NAV2: variants seen among roughly 807,000 people sequenced by gnomAD.
NAV2 encodes the protein neuron navigator 2.
A neutral mutation model predicts 223.2 loss-of-function variants in NAV2; 54 were observed. The observed-to-expected ratio is 0.24, with a 90% CI of 0.19 to 0.30. The LOEUF (loss-of-function observed/expected upper bound fraction) is 0.30, where lower values mean the gene tolerates loss of function less well. Ranked by LOEUF, NAV2 falls within the 10% of genes least tolerant of loss-of-function variation. The pLI is 1.00. For synonymous variants in NAV2, 1,279 were observed against 1,239.3 expected, an observed-to-expected ratio of 1.03 and a Z score of -0.67; for missense variants, 2,806 against 3,147.5, an observed-to-expected ratio of 0.89 and a Z score of 2.60.
At chr11:20,012,789 C>T (rs1450394357) in intron 11 of NAV2, among the ~76,000 whole-genome samples, 1 of 152,060 alleles carries the variant, frequency 6.6e-6, no homozygotes, top group African/African-American at 2.4e-5. Flanking sequence ...AGAAAATCAT[C>T]CCCAATGTGC....
chr11:19,661,093 A>G (rs531499919), intron 1 of NAV2, among the ~76,000 whole-genome samples: 2 of 152,196 alleles, frequency 1.3e-5, no homozygotes, highest in African/African-American at 4.8e-5. Context: ...AATAATAACC[A>G]TCTACCCTGT....
intron 6 of NAV2, among the ~76,000 whole-genome samples, chr11:19,907,885 C>T (rs2043001846): frequency 6.6e-6 from 1 of 152,116 alleles, no homozygotes; most frequent in Non-Finnish European, 1.5e-5. Context: ...AACTTGCTGC[C>T]CCATTGCTGG....
At chr11:19,768,006 C>G (rs991054731) in intron 1 of NAV2, among the ~76,000 whole-genome samples, 4 of 152,216 alleles carry the variant, frequency 2.6e-5, no homozygotes, top group Non-Finnish European at 5.9e-5. Flanking sequence ...TTTACCAGCT[C>G]TAAGAGCTAA....
chr11:19,907,296 C>T (rs905639054), intron 6 of NAV2, among the ~76,000 whole-genome samples: 4 of 152,158 alleles, frequency 2.6e-5, no homozygotes, highest in Non-Finnish European at 5.9e-5. Context: ...TGAAGCACCC[C>T]TGTAGCCGCC....
chr11:19,834,092 G>A (rs1268414163), intron 2 of NAV2, among the ~76,000 whole-genome samples: 1 of 152,216 alleles, frequency 6.6e-6, no homozygotes, highest in African/African-American at 2.4e-5. Context: ...GGGACAGGAT[G>A]ATACAAGGGC....
At chr11:20,018,353 C>CAAAA (rs34251713) in intron 11 of NAV2, among the ~76,000 whole-genome samples, 9 of 87,904 alleles carry the variant, frequency 1.0e-4, no homozygotes, top group African/African-American at 2.0e-4. Flanking sequence ...GATTCCATCT[C>CAAAA]AAAAAAAAAA....
At chr11:19,909,796 T>TTCC (rs1453518239) in intron 6 of NAV2, among the ~76,000 whole-genome samples, 7 of 152,172 alleles carry the variant, frequency 4.6e-5, no homozygotes, top group Middle Eastern at 3.2e-3. Flanking sequence ...TGCCATCATG[T>TTCC]TCCTCCTCCT....
chr11:19,755,163 G>A (rs920524793), intron 1 of NAV2, among the ~76,000 whole-genome samples: 1 of 152,200 alleles, frequency 6.6e-6, no homozygotes, highest in African/African-American at 2.4e-5. Context: ...GATGGCGAAT[G>A]TAGTCTCCCT....
intron 1 of NAV2, among the ~76,000 whole-genome samples, chr11:19,646,758 A>T (rs996858274): frequency 2.0e-5 from 3 of 152,220 alleles, no homozygotes; most frequent in African/African-American, 4.8e-5. Context: ...TATCAACAAC[A>T]TTGTGAGGTA....
At chr11:20,057,200 G>A (rs189904592) in intron 19 of NAV2, among the ~76,000 whole-genome samples, 1 of 152,316 alleles carries the variant, frequency 6.6e-6, no homozygotes. Flanking sequence ...AAACAAATTT[G>A]TGATTGTTTA....
chr11:19,988,451 G>A (rs1467729936), intron 11 of NAV2, among the ~76,000 whole-genome samples: 2 of 152,156 alleles, frequency 1.3e-5, no homozygotes, highest in South Asian at 4.2e-4. Flanking sequence ...AAAAACAAAT[G>A]CTGTGTGGTA....
At chr11:19,784,869 A>G (rs1007243610) in intron 1 of NAV2, among the ~76,000 whole-genome samples, 1 of 152,212 alleles carries the variant, frequency 6.6e-6, no homozygotes, top group Non-Finnish European at 1.5e-5. Context: ...CCTCATAAAG[A>G]GTCAACAGAA....
At chr11:20,086,572 G>C (rs758779519) in intron 26 of NAV2, among the ~76,000 whole-genome samples, 4 of 151,874 alleles carry the variant, frequency 2.6e-5, no homozygotes, top group Admixed American at 6.6e-5. Flanking sequence ...TTTGTTCTCT[G>C]TCCCCCACCC....
At position 19,395,057 on chromosome 11, in the gene NAV2, G is replaced by A. The variant is rs140635989; in HGVS notation, c.75+44030G>A. ...GCAGTGCCAATGACCTTCCAGGTGG[G>A]GACAGCTTTGGGTTCACACAGTATC... On this transcript the variant is annotated intron_variant, in intron 1 of 37. Transcript: ENST00000360655. 2.8e-3 allele frequency among the ~76,000 whole-genome samples: 432 copies of A among 152,298 alleles called. 3 individuals are homozygous for A. Among genetic ancestry groups the A allele is most frequent in the African/African-American group, 9.8e-3 (409 of 41,564 alleles).
At chr11:19,527,972 A>ACACACACACAC (rs1565018537) in intron 1 of NAV2, among the ~76,000 whole-genome samples, 6 of 150,696 alleles carry the variant, frequency 4.0e-5, no homozygotes, top group Middle Eastern at 3.4e-3. Flanking sequence ...ACACACACAC[A>ACACACACACAC]ATCCTGGGAA....
rs774099444 is a variant in NAV2 at position 20,092,337 on chromosome 11, C to A, written c.5784C>A (p.His1928Gln). 6.2e-7 allele frequency: 1 copy of A among 1,613,942 alleles called. No homozygotes were observed. The highest frequency in any genetic ancestry group is 2.2e-5 in the East Asian group (1 of 44,868). Residue 1928 changes from histidine to glutamine, a missense_variant, in exon 28 of 38, where the codon CAC (histidine) becomes CAA (glutamine). By Grantham distance (24) the His-to-Gln change is conservative (BLOSUM62 0). Transcript: ENST00000349880. Reference sequence around the variant, plus strand: ...GGCAGTCCATGGGCCTCTCCCAGCACAGCTTGAACCTCACTGAGTCAACCA... The same window carrying A: ...GGCAGTCCATGGGCCTCTCCCAGCAAAGCTTGAACCTCACTGAGTCAACCA... ...SPRQSMGLSQ[H>Q]SLNLTESTSL...
At chr11:19,644,070 G>A (rs115515226) in intron 1 of NAV2, among the ~76,000 whole-genome samples, 128,945 of 151,874 alleles carry the variant, frequency 0.85, 56,308 homozygotes, top group Middle Eastern at 0.96. Context: ...CTGTGTGCGT[G>A]TGTGCATGTG....
intron 1 of NAV2, among the ~76,000 whole-genome samples, chr11:19,530,340 G>A (rs2043991148): frequency 1.3e-5 from 2 of 152,162 alleles, no homozygotes; most frequent in African/African-American, 2.4e-5. Flanking sequence ...CACGAGGCAG[G>A]GACTGAGCTC....
chr11:19,884,421 T>G, intron 5 of NAV2: 1 of 1,430,986 alleles, frequency 7.0e-7, no homozygotes, highest in Non-Finnish European at 9.8e-7. Flanking sequence ...TGTTCCATTG[T>G]TCCCTCTGTT....
Sources: gnomAD v4.1 joint callset for allele counts (sites outside exome capture counted in the v4.1 genomes callset) on GRCh38, gnomAD v4.1.1 for gene constraint, MANE v1.5 for transcripts, NCBI Gene and HGNC (gene_info 2026-07-23, HGNC 2026-07-21) for gene names.